Variants in RABGAP1L observed in about 807,000 individuals in gnomAD.
RABGAP1L encodes rab GTPase-activating protein 1-like.
In RABGAP1L, 63 loss-of-function variants were observed where a neutral mutation model predicts 137.7. That is an observed-to-expected ratio of 0.46 (90% CI 0.37 to 0.56). The LOEUF is 0.56. Among genes scored for constraint, RABGAP1L ranks in the 20% least tolerant of loss-of-function variants. The pLI is 0.00. For missense variants in RABGAP1L, 1,095 were observed against 1,244.0 expected (o/e 0.88, Z 1.80); for synonymous variants, 431 against 433.7 (o/e 0.99, Z 0.08).
In RABGAP1L at chr1:174,583,760, C is replaced by T. The variant is rs149281669; in HGVS notation, c.1711-53615C>T. ...GTTTCCAGATACTAGACTTATTGCC[C>T]TTGTGCTGTAGAGAAAGAGCAAAAG... On this transcript the variant is annotated intron_variant, in intron 13 of 25. Transcript: ENST00000681986. Among the ~76,000 whole-genome samples, 10 of 152,236 alleles carry T rather than the reference C, an allele frequency of 6.6e-5. No individual in the cohort carries two copies. The East Asian group carries it at 1.9e-3, about 29-fold the overall frequency.
At chr1:174,572,924 C>G (rs35582650) in intron 13 of RABGAP1L, among the ~76,000 whole-genome samples, 18,114 of 152,114 alleles carry the variant, frequency 0.12, 3,646 homozygotes, top group African/African-American at 0.41. Context: ...CATCTCATCT[C>G]TCTTGGGAGA....
chr1:174,258,846 T>A (rs1571815483), intron 7 of RABGAP1L, among the ~76,000 whole-genome samples: 3 of 152,198 alleles, frequency 2.0e-5, no homozygotes, highest in African/African-American at 7.2e-5. Flanking sequence ...GATGTGATCA[T>A]AGCTCACTGC....
chr1:174,255,560 T>C (rs188440553), intron 7 of RABGAP1L, among the ~76,000 whole-genome samples: 50 of 152,334 alleles, frequency 3.3e-4, no homozygotes, highest in South Asian at 3.1e-3. Flanking sequence ...AGTCTCGCTC[T>C]GTCAGCCAGG....
intron 19 of RABGAP1L, among the ~76,000 whole-genome samples, chr1:174,846,124 T>G (rs1184453105): frequency 6.6e-6 from 1 of 151,972 alleles, no homozygotes; most frequent in East Asian, 1.9e-4. Context: ...TCTTTTCTTC[T>G]TTATTAGTCT....
rs550825153 is a variant in RABGAP1L at position 174,920,934 on chromosome 1, G to A, written c.2341-36523G>A. Among the ~76,000 whole-genome samples, 15 of 152,038 alleles carry A rather than the reference G, an allele frequency of 9.9e-5. No homozygotes were observed. The South Asian group carries it at 2.7e-3, about 27-fold the overall frequency. On this transcript the variant is annotated intron_variant, in intron 19 of 25. Transcript: ENST00000681986. The stretch of plus-strand genomic sequence containing the variant: ...GTCTGTGGTACTTTGTTTTTTTGTT[G>A]TTGTTTGAGACGGAGTCTTGCTCTG...
At chr1:174,556,157 C>T (rs1022934405) in intron 13 of RABGAP1L, among the ~76,000 whole-genome samples, 1 of 151,724 alleles carries the variant, frequency 6.6e-6, no homozygotes, top group African/African-American at 2.4e-5. Flanking sequence ...GCCACTGTGC[C>T]CGGCTAATTT....
At chr1:174,637,515 A>G in intron 14 of RABGAP1L, 27 bp downstream of exon 14, 2 of 1,490,600 alleles carry the variant, frequency 1.3e-6, no homozygotes, top group Non-Finnish European at 1.9e-6. Context: ...CACTTTTTCT[A>G]AATTATTTTA....
chr1:174,568,252 A>G (rs1572352726), intron 13 of RABGAP1L, among the ~76,000 whole-genome samples: 1 of 152,160 alleles, frequency 6.6e-6, no homozygotes, highest in Non-Finnish European at 1.5e-5. Flanking sequence ...CACCAAAGGG[A>G]TGGTGCTAAG....
rs572930029 is a variant in RABGAP1L, at chr1:174,636,280, A to G, written c.1711-1095A>G. Among the ~76,000 whole-genome samples, 4 of 152,232 alleles carry G rather than the reference A, an allele frequency of 2.6e-5. No individual in the cohort carries two copies. In the South Asian group the frequency reaches 8.3e-4, roughly 32 times the overall value. ...ACACCTGTAATCCCAGCACTTTGGG[A>G]GGTCGAAGTGGGTGAATCACGAGGT... is the stretch of plus-strand genomic sequence containing the variant. On this transcript the variant is annotated intron_variant, in intron 13 of 25. Transcript: ENST00000681986.
intron 13 of RABGAP1L, among the ~76,000 whole-genome samples, chr1:174,493,710 A>G (rs189004047): frequency 4.6e-5 from 7 of 151,032 alleles, no homozygotes; most frequent in Middle Eastern, 3.4e-3. Flanking sequence ...AGTTTCAGCT[A>G]CTTGGGAGGC....
chr1:174,755,898 A>C (rs1439086142), intron 18 of RABGAP1L, among the ~76,000 whole-genome samples: 1 of 152,198 alleles, frequency 6.6e-6, no homozygotes, highest in Non-Finnish European at 1.5e-5. Context: ...AAGGGTTAAA[A>C]GCATGTGGAC....
rs540788668 is a variant in RABGAP1L at position 174,162,512 on chromosome 1, G to C, written c.-34+2855G>C. 3.3e-5 allele frequency among the ~76,000 whole-genome samples: 5 copies of C among 152,228 alleles called. 1 individual carries two copies. The South Asian group carries it at 8.3e-4, about 25-fold the overall frequency. ...AATTTCCTATATTGAAGGTGTAGAA[G>C]TGGGCCTGCATTCCAACCTACCATT... On this transcript the variant is annotated intron_variant, in intron 1 of 25. Transcript: ENST00000681986.
Position 174,159,564 on chromosome 1 carries a change from G to C in RABGAP1L, c.-127G>C, listed in dbSNP as rs1021680363. 1.3e-5 allele frequency: 2 copies of C among 152,314 alleles called. No homozygotes were observed. Among genetic ancestry groups the C allele is most frequent in the Admixed American group, 6.5e-5 (1 of 15,290 alleles). 9.4% of individuals were successfully genotyped at this position (152,314 alleles called of 1,614,324 possible). A position where few individuals can be genotyped will look rare whatever the true frequency, so the allele number is the denominator to read the frequency against. On this transcript the variant is annotated 5_prime_UTR_variant, in exon 1 of 26. Transcript: ENST00000681986. ...GGGCTCCAGCGGTGGCGGAGCGAAC[G>C]GGACCGGCCCGGCTTCAGAGCGCGA...
chr1:174,277,461 G>A (rs1202187263), intron 9 of RABGAP1L, among the ~76,000 whole-genome samples: 2 of 151,146 alleles, frequency 1.3e-5, no homozygotes, highest in African/African-American at 4.9e-5. Context: ...GTTTTATTTT[G>A]CAATAAAATA....
intron 5 of RABGAP1L, among the ~76,000 whole-genome samples, chr1:174,247,370 C>T (rs1191157291): frequency 6.6e-6 from 1 of 152,170 alleles, no homozygotes; most frequent in Non-Finnish European, 1.5e-5. Flanking sequence ...AACCCCCTAA[C>T]AGCAGTTAGT....
intron 13 of RABGAP1L, among the ~76,000 whole-genome samples, chr1:174,589,426 C>G (rs1572419562): frequency 6.6e-6 from 1 of 152,086 alleles, no homozygotes; most frequent in Non-Finnish European, 1.5e-5. Context: ...TGATCATTTC[C>G]TTTGCTGTGA....
intron 13 of RABGAP1L, among the ~76,000 whole-genome samples, chr1:174,476,087 T>C (rs938684702): frequency 6.6e-6 from 1 of 152,138 alleles, no homozygotes; most frequent in African/African-American, 2.4e-5. Context: ...TGAGAGTTAA[T>C]TCTTACTTTT....
chr1:174,206,029 T>C (rs141127633), intron 1 of RABGAP1L, among the ~76,000 whole-genome samples: 1 of 152,322 alleles, frequency 6.6e-6, no homozygotes, highest in Admixed American at 6.5e-5. Flanking sequence ...GGGTTTACTT[T>C]TCTCTCTCAC....
Position 174,598,336 on chromosome 1 carries a change from A to T in RABGAP1L, c.1711-39039A>T, listed in dbSNP as rs890573278. ...AGTGAGACTCTGTCTCAAAAAAAAA[A>T]AAAAAAAAAAATGGTCTGTCTTTGA... On this transcript the variant is annotated intron_variant, in intron 13 of 25. Transcript: ENST00000681986. 1.9e-4 allele frequency among the ~76,000 whole-genome samples: 28 copies of T among 148,736 alleles called. No homozygotes were observed. The South Asian group carries it at 5.7e-3, about 30-fold the overall frequency.
Sources: gnomAD v4.1 joint callset for allele counts (sites outside exome capture counted in the v4.1 genomes callset) on GRCh38, gnomAD v4.1.1 for gene constraint, MANE v1.5 for transcripts, NCBI Gene and HGNC (gene_info 2026-07-23, HGNC 2026-07-21) for gene names.